Variants in RIN3 observed in about 807,000 individuals in gnomAD.
RIN3 encodes the protein Ras and Rab interactor 3.
Under a neutral mutation model 76.3 loss-of-function variants are expected in RIN3, and 54 were observed. The observed-to-expected ratio is 0.71, with a 90% confidence interval of 0.57 to 0.89. The LOEUF (loss-of-function observed/expected upper bound fraction) is 0.89. Ranked by LOEUF, RIN3 falls within the 40% of genes least tolerant of loss-of-function variation. The pLI, the probability that RIN3 is intolerant of heterozygous loss-of-function variation, is 0.00. For missense variants in RIN3, 1,256 were observed against 1,322.1 expected (o/e 0.95, Z 0.78); for synonymous variants, 576 against 564.0 (o/e 1.02, Z -0.30).
intron 3 of RIN3, among the ~76,000 whole-genome samples, chr14:92,614,659 G>A (rs1038328439): frequency 1.5e-4 from 23 of 151,824 alleles, no homozygotes; most frequent in Admixed American, 1.5e-3. Context: ...AGGCTCACGA[G>A]ATCTGATGGC....
At chr14:92,554,326 C>G (rs900070598) in intron 1 of RIN3, among the ~76,000 whole-genome samples, 1 of 152,122 alleles carries the variant, frequency 6.6e-6, no homozygotes, top group African/African-American at 2.4e-5. Context: ...TCCCTTAAAC[C>G]GGACAGAACT....
At chr14:92,630,467 G>A (rs1171354040) in intron 4 of RIN3, among the ~76,000 whole-genome samples, 1 of 152,188 alleles carries the variant, frequency 6.6e-6, no homozygotes, top group Non-Finnish European at 1.5e-5. Flanking sequence ...ACTCCAGCCT[G>A]AGCAACAAAG....
At chr14:92,541,140 C>T (rs1043000294) in intron 1 of RIN3, among the ~76,000 whole-genome samples, 8 of 152,222 alleles carry the variant, frequency 5.3e-5, no homozygotes, top group African/African-American at 1.7e-4. Flanking sequence ...ACAACAGAAC[C>T]AGACAGTGTC....
intron 4 of RIN3, among the ~76,000 whole-genome samples, chr14:92,622,889 A>T (rs756457375): frequency 6.6e-6 from 1 of 152,252 alleles, no homozygotes; most frequent in African/African-American, 2.4e-5. Flanking sequence ...TTGAATTTAT[A>T]CATGTTCTGC....
At chr14:92,543,205 ACT>A (rs1897165815) in intron 1 of RIN3, among the ~76,000 whole-genome samples, 1 of 150,210 alleles carries the variant, frequency 6.7e-6, no homozygotes, top group African/African-American at 2.5e-5. Flanking sequence ...AAAACAGAAG[ACT>A]CTAGGGCGGT....
chr14:92,545,084 C>T (rs188646514), intron 1 of RIN3, among the ~76,000 whole-genome samples: 9 of 146,582 alleles, frequency 6.1e-5, no homozygotes, highest in African/African-American at 1.8e-4. Context: ...CTTTTTAAAA[C>T]GTTTTCTTTT....
intron 3 of RIN3, among the ~76,000 whole-genome samples, chr14:92,587,526 T>C (rs1479914082): frequency 6.6e-6 from 1 of 152,220 alleles, no homozygotes; most frequent in Admixed American, 6.5e-5. Context: ...ACACATGGCC[T>C]CAGAGGCAAG....
At chr14:92,586,486 G>A (rs1884782219) in intron 3 of RIN3, 1 of 151,910 alleles carries the variant, frequency 6.6e-6, no homozygotes, top group Non-Finnish European at 1.5e-5. Flanking sequence ...GTTGGGCCAG[G>A]AAAAAAATAC....
At chr14:92,557,807 C>T (rs1414087099) in intron 2 of RIN3, among the ~76,000 whole-genome samples, 1 of 152,226 alleles carries the variant, frequency 6.6e-6, no homozygotes, top group Non-Finnish European at 1.5e-5. Context: ...GGTAGGTTCT[C>T]AGGAATGAGC....
chr14:92,515,508 G>A lies in RIN3; in HGVS notation c.44+1532G>A, dbSNP rs965042227. ...CTTATCAATAAAATGATAAATAATAGTAACTACCCCTTAGAGTTGTTTTGA... is the reference window on the plus strand; with the variant it reads ...CTTATCAATAAAATGATAAATAATAATAACTACCCCTTAGAGTTGTTTTGA... On this transcript the variant is annotated intron_variant, in intron 1 of 9. Coordinates refer to ENST00000216487, the MANE Select transcript of RIN3 (RefSeq NM_024832.5). 6 of 480,748 alleles carry A rather than the reference G, an allele frequency of 1.2e-5. No homozygotes were observed. The Admixed American group carries it at 1.6e-4, about 13-fold the overall frequency. 29.8% of individuals were successfully genotyped at this position (480,748 alleles called of 1,614,324 possible).
intron 8 of RIN3, among the ~76,000 whole-genome samples, chr14:92,684,598 G>A (rs1341851593): frequency 6.6e-6 from 1 of 152,118 alleles, no homozygotes; most frequent in Non-Finnish European, 1.5e-5. Flanking sequence ...CCGTGTATAT[G>A]TGATACACAC....
chr14:92,605,191 G>A (rs77503186), intron 3 of RIN3, among the ~76,000 whole-genome samples: 18,813 of 151,946 alleles, frequency 0.12, 1,501 homozygotes, highest in Non-Finnish European at 0.18. Context: ...GATTACAGGC[G>A]CGAGCCACCA....
At chr14:92,565,272 C>T (rs1897887347) in intron 2 of RIN3, among the ~76,000 whole-genome samples, 1 of 152,164 alleles carries the variant, frequency 6.6e-6, no homozygotes, top group Non-Finnish European at 1.5e-5. Flanking sequence ...ATGCTAGGAG[C>T]TTTGTGACAT....
At chr14:92,669,285 G>A (rs1290954368) in intron 7 of RIN3, among the ~76,000 whole-genome samples, 1 of 152,202 alleles carries the variant, frequency 6.6e-6, no homozygotes, top group Non-Finnish European at 1.5e-5. Context: ...TATCCTCCAA[G>A]GTGAAACGTG....
intron 4 of RIN3, among the ~76,000 whole-genome samples, chr14:92,618,740 G>A (rs1334279857): frequency 6.6e-6 from 1 of 152,156 alleles, no homozygotes; most frequent in Admixed American, 6.5e-5. Context: ...AGGAATATGG[G>A]ATCAAACATT....
At chr14:92,518,924 T>A (rs768586556) in intron 1 of RIN3, among the ~76,000 whole-genome samples, 9 of 150,946 alleles carry the variant, frequency 6.0e-5, no homozygotes, top group Non-Finnish European at 1.3e-4. Flanking sequence ...ATGTTGTAGG[T>A]CATCAGTAGG....
At chr14:92,526,394 G>A (rs1393840936) in intron 1 of RIN3, among the ~76,000 whole-genome samples, 1 of 152,016 alleles carries the variant, frequency 6.6e-6, no homozygotes, top group Admixed American at 6.6e-5. Flanking sequence ...GGGAGGCAGA[G>A]GTTGCAGTGA....
chr14:92,561,055 A>ATATATATATATATCTC (rs71123360), intron 2 of RIN3, among the ~76,000 whole-genome samples: 3 of 79,162 alleles, frequency 3.8e-5, no homozygotes, highest in Admixed American at 3.2e-4. Context: ...ATATATATAT[A>ATATATATATATATCTC]TCTGCCATAT....
chr14:92,597,818 C>G (rs1885203835), intron 3 of RIN3, among the ~76,000 whole-genome samples: 1 of 152,188 alleles, frequency 6.6e-6, no homozygotes, highest in Admixed American at 6.5e-5. Flanking sequence ...GCCTCTTCTC[C>G]TACTGAGTTA....
Sources: gnomAD v4.1 joint callset for allele counts (sites outside exome capture counted in the v4.1 genomes callset) on GRCh38, gnomAD v4.1.1 for gene constraint, MANE v1.5 for transcripts, NCBI Gene and HGNC (gene_info 2026-07-23, HGNC 2026-07-21) for gene names.